SHISA9: variants seen among roughly 807,000 people sequenced by gnomAD.
SHISA9 encodes shisa family member 9.
A neutral mutation model predicts 38.0 loss-of-function variants in SHISA9; 13 were observed. That is an observed-to-expected ratio of 0.34 (90% CI 0.22 to 0.54). The LOEUF is 0.54. SHISA9 is among the 20% of genes least tolerant of loss of function. The pLI is 0.91. For synonymous variants in SHISA9, 275 were observed against 242.0 expected (o/e 1.14, Z -1.27); for missense variants, 538 against 575.8 (o/e 0.93, Z 0.67).
the SHISA9 span, among the ~76,000 whole-genome samples, chr16:13,509,277 A>AC: frequency 6.6e-6 from 1 of 152,026 alleles, no homozygotes; most frequent in South Asian, 2.1e-4. Flanking sequence ...AAATGCAAAA[A>AC]AAAAAGAAAA....
the SHISA9 span, among the ~76,000 whole-genome samples, chr16:13,489,491 A>T: frequency 6.6e-6 from 1 of 152,186 alleles, no homozygotes; most frequent in Non-Finnish European, 1.5e-5. Flanking sequence ...AGCTCCCATA[A>T]TTCCCACGTG....
intron 2 of SHISA9, among the ~76,000 whole-genome samples, chr16:13,056,400 T>C (rs574299595): frequency 1.7e-3 from 261 of 152,334 alleles, no homozygotes; most frequent in African/African-American, 6.1e-3. Flanking sequence ...GTCCTGCTCC[T>C]CAAATCCACT....
chr16:13,052,758 A>G (rs922051779), intron 2 of SHISA9, among the ~76,000 whole-genome samples: 41 of 152,134 alleles, frequency 2.7e-4, no homozygotes, highest in African/African-American at 9.9e-4. Flanking sequence ...TAAGGGAAAA[A>G]CAGATTTAAA....
intron 2 of SHISA9, among the ~76,000 whole-genome samples, chr16:13,002,520 A>G (rs1168052597): frequency 2.7e-5 from 4 of 149,276 alleles, no homozygotes; most frequent in African/African-American, 9.9e-5. Flanking sequence ...TGAGACAGTC[A>G]GTTGGTTCCT....
the SHISA9 span, among the ~76,000 whole-genome samples, chr16:13,452,516 G>A: frequency 2.0e-5 from 3 of 152,280 alleles, no homozygotes; most frequent in Non-Finnish European, 4.4e-5. Flanking sequence ...AACAAAGGTG[G>A]GTAGGTGGAA....
chr16:13,137,124 G>T (rs991212335), intron 2 of SHISA9, among the ~76,000 whole-genome samples: 1 of 152,168 alleles, frequency 6.6e-6, no homozygotes, highest in African/African-American at 2.4e-5. Flanking sequence ...CAGCTTGTGA[G>T]AAGTCAAGTC....
the SHISA9 span, among the ~76,000 whole-genome samples, chr16:13,373,760 CAAAAA>C: frequency 1.7e-5 from 2 of 119,200 alleles, no homozygotes; most frequent in Non-Finnish European, 3.5e-5. Context: ...GACTCCGTCT[CAAAAA>C]AAAAAAAAAA....
chr16:12,978,488 G>A (rs947427707), intron 2 of SHISA9, among the ~76,000 whole-genome samples: 2 of 152,224 alleles, frequency 1.3e-5, no homozygotes, highest in African/African-American at 4.8e-5. Context: ...ATTAGGCAGT[G>A]AGTGCATTTC....
the SHISA9 span, among the ~76,000 whole-genome samples, chr16:13,422,396 T>G: frequency 2.0e-5 from 3 of 152,180 alleles, no homozygotes; most frequent in Non-Finnish European, 4.4e-5. Flanking sequence ...CACTGACTGA[T>G]ATAAGACAAT....
At chr16:13,562,659 C>T in the SHISA9 span, 1 of 150,646 alleles carries the variant, frequency 6.6e-6, no homozygotes, top group Non-Finnish European at 1.5e-5. Flanking sequence ...AGATTCATTC[C>T]TTATATGAAA....
At chr16:13,250,581 A>C in the SHISA9 span, among the ~76,000 whole-genome samples, 1 of 152,140 alleles carries the variant, frequency 6.6e-6, no homozygotes, top group Admixed American at 6.5e-5. Flanking sequence ...CTTGGTCAGG[A>C]ACTCTGCCTT....
the SHISA9 span, among the ~76,000 whole-genome samples, chr16:13,330,039 A>G: frequency 6.6e-6 from 1 of 152,204 alleles, no homozygotes. Flanking sequence ...GCCATGGCTT[A>G]CTCATCTCTG....
the SHISA9 span, among the ~76,000 whole-genome samples, chr16:13,315,447 A>T: frequency 6.6e-6 from 1 of 152,278 alleles, no homozygotes; most frequent in African/African-American, 2.4e-5. Flanking sequence ...TTTATGCCCC[A>T]TATTCATTAC....
At chr16:13,378,742 C>G in the SHISA9 span, among the ~76,000 whole-genome samples, 1 of 152,144 alleles carries the variant, frequency 6.6e-6, no homozygotes, top group African/African-American at 2.4e-5. Context: ...TGTATGAAAC[C>G]TATGAGTGCC....
At chr16:13,186,754 A>G (rs2050828478) in intron 2 of SHISA9, among the ~76,000 whole-genome samples, 1 of 152,166 alleles carries the variant, frequency 6.6e-6, no homozygotes, top group African/African-American at 2.4e-5. Flanking sequence ...CCTGGTAACC[A>G]TTCTACTTTC....
chr16:13,165,915 G>C (rs2050631561), intron 2 of SHISA9, among the ~76,000 whole-genome samples: 1 of 152,148 alleles, frequency 6.6e-6, no homozygotes. Context: ...AAGCAGTATT[G>C]ACTTCACATG....
intron 2 of SHISA9, among the ~76,000 whole-genome samples, chr16:13,051,707 A>G (rs1446686945): frequency 6.6e-6 from 1 of 152,206 alleles, no homozygotes; most frequent in Non-Finnish European, 1.5e-5. Flanking sequence ...ACTACCTTGA[A>G]TCAGAGCCCA....
At chr16:12,957,366 C>T (rs989739848) in intron 2 of SHISA9, among the ~76,000 whole-genome samples, 12 of 152,176 alleles carry the variant, frequency 7.9e-5, no homozygotes, top group Non-Finnish European at 1.5e-5. Flanking sequence ...AAACAACAGA[C>T]ATTTGTTTCT....
chr16:13,139,712 A>C (rs1264355838), intron 2 of SHISA9, among the ~76,000 whole-genome samples: 1 of 152,138 alleles, frequency 6.6e-6, no homozygotes, highest in East Asian at 1.9e-4. Context: ...AACCACTGGA[A>C]TTGACCATCT....
Sources: gnomAD v4.1 joint callset for allele counts (sites outside exome capture counted in the v4.1 genomes callset) on GRCh38, gnomAD v4.1.1 for gene constraint, MANE v1.5 for transcripts, NCBI Gene and HGNC (gene_info 2026-07-23, HGNC 2026-07-21) for gene names.